The following SRRM4 variants were observed in gnomAD, a reference collection of about 807,000 sequenced individuals.
The protein encoded by SRRM4 is serine/arginine repetitive matrix 4.
Under a neutral mutation model 68.9 loss-of-function variants are expected in SRRM4, and 33 were observed. The observed-to-expected ratio is 0.48, with a 90% CI of 0.36 to 0.64. The LOEUF is 0.64. Among genes scored for constraint, SRRM4 ranks in the 30% least tolerant of loss-of-function variants. The pLI is 0.00. For missense variants in SRRM4, 817 were observed against 827.1 expected (o/e 0.99, Z 0.15); for synonymous variants, 318 against 318.8 (o/e 1.00, Z 0.03).
chr12:119,130,424 T>TGGAG (rs148883754), intron 7 of SRRM4, among the ~76,000 whole-genome samples: 24,993 of 150,606 alleles, frequency 0.17, 2,465 homozygotes, highest in Non-Finnish European at 0.21. Flanking sequence ...GATGGATGGA[T>TGGAG]GGATGGATGG....
chr12:119,087,465 G>A (rs77149543), intron 1 of SRRM4, among the ~76,000 whole-genome samples: 5,892 of 152,264 alleles, frequency 0.039, 197 homozygotes, highest in East Asian at 0.12. Flanking sequence ...CATTTCATTC[G>A]GACTTTTTTT....
intron 2 of SRRM4, among the ~76,000 whole-genome samples, chr12:119,110,774 C>T (rs1954137645): frequency 6.6e-6 from 1 of 152,204 alleles, no homozygotes; most frequent in African/African-American, 2.4e-5. Context: ...TTGCACTTCC[C>T]AGGTGAGGCG....
intron 1 of SRRM4, among the ~76,000 whole-genome samples, chr12:119,032,165 T>C (rs1430497171): frequency 6.6e-6 from 1 of 152,174 alleles, no homozygotes; most frequent in Non-Finnish European, 1.5e-5. Flanking sequence ...ATAGTGTGTA[T>C]CCTGACTGGG....
intron 1 of SRRM4, among the ~76,000 whole-genome samples, chr12:119,068,706 C>A (rs1201440637): frequency 6.6e-6 from 1 of 152,070 alleles, no homozygotes; most frequent in Non-Finnish European, 1.5e-5. Context: ...TTCTTTCCAA[C>A]AACCTCCATC....
chr12:119,075,472 G>T (rs1203912609), intron 1 of SRRM4, among the ~76,000 whole-genome samples: 1 of 96,652 alleles, frequency 1.0e-5, no homozygotes, highest in African/African-American at 3.5e-5. Context: ...TGATGATGAT[G>T]GTGCTGATGG....
intron 8 of SRRM4, among the ~76,000 whole-genome samples, chr12:119,131,291 C>T (rs951285901): frequency 3.9e-5 from 6 of 152,260 alleles, no homozygotes; most frequent in Admixed American, 2.0e-4. Flanking sequence ...TTTCATTTCA[C>T]CTATAAACAT....
chr12:118,990,947 G>A (rs868784896), intron 1 of SRRM4, among the ~76,000 whole-genome samples: 1 of 152,078 alleles, frequency 6.6e-6, no homozygotes, highest in African/African-American at 2.4e-5. Flanking sequence ...AGCCTCCCAA[G>A]TACCCACCCC....
At chr12:119,006,411 T>C (rs77095254) in intron 1 of SRRM4, among the ~76,000 whole-genome samples, 2,314 of 152,252 alleles carry the variant, frequency 0.015, 33 homozygotes, top group Middle Eastern at 0.041. Flanking sequence ...GAAAAGTCCC[T>C]ATGAAACCTT....
At chr12:119,096,932 C>T (rs767341673) in intron 1 of SRRM4, among the ~76,000 whole-genome samples, 3 of 152,064 alleles carry the variant, frequency 2.0e-5, no homozygotes, top group Admixed American at 1.3e-4. Flanking sequence ...CTTATCGGAG[C>T]CTTGGAATCT....
intron 2 of SRRM4, among the ~76,000 whole-genome samples, chr12:119,103,217 T>C (rs1235087863): frequency 6.6e-6 from 1 of 152,190 alleles, no homozygotes; most frequent in Non-Finnish European, 1.5e-5. Flanking sequence ...CTTGGGAAAC[T>C]GGAGTCATTT....
intron 2 of SRRM4, among the ~76,000 whole-genome samples, chr12:119,110,641 T>A (rs150029734): frequency 6.6e-6 from 1 of 152,228 alleles, no homozygotes. Context: ...TGGGATATAA[T>A]CTCCTGGTGT....
intron 8 of SRRM4, among the ~76,000 whole-genome samples, chr12:119,141,527 G>A (rs1565917979): frequency 6.6e-6 from 1 of 152,260 alleles, no homozygotes; most frequent in East Asian, 1.9e-4. Flanking sequence ...TGTGATGGAG[G>A]CTGGTTTCTT....
chr12:119,130,008 G>GATGA (rs1229266845), intron 7 of SRRM4, among the ~76,000 whole-genome samples: 1,351 of 129,432 alleles, frequency 0.01, 23 homozygotes, highest in African/African-American at 0.037. Flanking sequence ...TGGATGGATG[G>GATGA]ATGAATGCAT....
rs61659020 is a variant in SRRM4 at position 119,066,205 on chromosome 12, T to G, written c.132-36031T>G. ...CTTCTTCTCTGGGTAATAATAACAA[T>G]AGCTATTATTTATTGAGCTTCTTCT... On this transcript the variant is annotated intron_variant, in intron 1 of 12. Coordinates refer to ENST00000267260, the MANE Select transcript of SRRM4 (RefSeq NM_194286.4). 8.8e-3 allele frequency among the ~76,000 whole-genome samples: 1,345 copies of G among 152,314 alleles called. 21 individuals are homozygous for G. Among genetic ancestry groups the G allele is most frequent in the African/African-American group, 0.031 (1,275 of 41,572 alleles).
rs185481159 is a variant in SRRM4, at chr12:119,102,456, C to G, written c.278+74C>G. 4 of 1,207,196 alleles carry G rather than the reference C, an allele frequency of 3.3e-6. No individual in the cohort carries two copies. The African/African-American group carries it at 6.1e-5, about 18-fold the overall frequency. The allele number at this position is 1,207,196 out of a possible 1,614,324, so 74.8% of individuals were successfully genotyped here. A position where few individuals can be genotyped will look rare whatever the true frequency, so the allele number is the denominator to read the frequency against. ...GCCTCTCTGGCCATGGCTCACCCCT[C>G]TCTTATGCAAGTTCCTCTTTCAAAC... On this transcript the variant is annotated intron_variant, in intron 2 of 12. Coordinates refer to ENST00000267260, the MANE Select transcript of SRRM4 (RefSeq NM_194286.4).
rs1214968929 is a variant in SRRM4 at position 119,160,756 on chromosome 12, T to C, written c.*3958T>C. On this transcript the variant is annotated 3_prime_UTR_variant, in exon 13 of 13. Coordinates refer to ENST00000267260, the MANE Select transcript of SRRM4 (RefSeq NM_194286.4). ...TCACCAAAGACAGAGGGAGCTTCAC[T>C]GAGACTCAGAGGGAAAAGGAAAAGA... 1.3e-5 allele frequency: 2 copies of C among 152,196 alleles called. No homozygotes were observed. Among genetic ancestry groups the C allele is most frequent in the East Asian group, 3.9e-4 (2 of 5,192 alleles). The allele number at this position is 152,196 out of a possible 1,614,324, so 9.4% of individuals were successfully genotyped here.
intron 1 of SRRM4, among the ~76,000 whole-genome samples, chr12:119,044,467 A>G (rs1240335067): frequency 1.3e-5 from 2 of 152,084 alleles, no homozygotes; most frequent in Non-Finnish European, 2.9e-5. Flanking sequence ...GACTCCAGGG[A>G]GGAGAATGGA....
intron 1 of SRRM4, among the ~76,000 whole-genome samples, chr12:119,015,418 C>A (rs1051214776): frequency 6.6e-6 from 1 of 152,138 alleles, no homozygotes; most frequent in Non-Finnish European, 1.5e-5. Flanking sequence ...CAATTATAAA[C>A]CAAACCAGTT....
At position 119,026,943 on chromosome 12, in the gene SRRM4, C is replaced by T. The variant is rs138141229; in HGVS notation, c.131+44930C>T. ...AAACTAATCATGGTAATCCCATTCT[C>T]ACACCTGCAAATGTTTTAGGAATGG... is the stretch of plus-strand genomic sequence containing the variant. On this transcript the variant is annotated intron_variant, in intron 1 of 12. Coordinates refer to ENST00000267260, the MANE Select transcript of SRRM4 (RefSeq NM_194286.4). Among the ~76,000 whole-genome samples the T allele has an allele frequency of 3.7e-3, 569 of 152,306 alleles. 3 individuals are homozygous for T. Among genetic ancestry groups the T allele is most frequent in the African/African-American group, 0.013 (534 of 41,556 alleles).
Sources: gnomAD v4.1 joint callset for allele counts (sites outside exome capture counted in the v4.1 genomes callset) on GRCh38, gnomAD v4.1.1 for gene constraint, MANE v1.5 for transcripts, NCBI Gene and HGNC (gene_info 2026-07-23, HGNC 2026-07-21) for gene names.